Variants in ADAMTS2 observed in about 807,000 individuals in gnomAD.
ADAMTS2 encodes the protein ADAM metallopeptidase with thrombospondin type 1 motif 2, also known as A disintegrin and metalloproteinase with thrombospondin motifs 2.
Under a neutral mutation model 123.0 loss-of-function variants are expected in ADAMTS2, and 50 were observed. That is an observed-to-expected ratio of 0.41 (90% CI 0.32 to 0.51). ADAMTS2 has a LOEUF of 0.51. ADAMTS2 is among the 20% of genes least tolerant of loss of function. The probability of loss-of-function intolerance (pLI) is 0.35; values close to 1 mark genes in which losing one functional copy is unlikely to be tolerated. For synonymous variants in ADAMTS2, 678 were observed against 695.4 expected (o/e 0.98, Z 0.39); for missense variants, 1,494 against 1,705.2 (o/e 0.88, Z 2.18).
intron 4 of ADAMTS2, among the ~76,000 whole-genome samples, chr5:179,201,901 A>G (rs1764576283): frequency 6.6e-6 from 1 of 152,164 alleles, no homozygotes; most frequent in Non-Finnish European, 1.5e-5. Context: ...GAAGATAAGA[A>G]AACTGGACCC....
In ADAMTS2 at chr5:179,118,703, G is replaced by A. The variant is rs1762704641; in HGVS notation, c.3178+2958C>T. Among the ~76,000 whole-genome samples the A allele has an allele frequency of 6.6e-6, 1 of 152,150 alleles. No homozygotes were observed. The highest frequency in any genetic ancestry group is 2.1e-4 in the South Asian group (1 of 4,828). On this transcript the variant is annotated intron_variant, in intron 21 of 21. Transcript: ENST00000251582. This position sits in a 1 kb window ranked among gnomAD's most constrained non-coding sequence, Gnocchi z 4.5. ...AAAAAAAGTTTAAAGTCCTTTTAAAGTCAATTTCAAAGTCACACTTTAACT... is the reference window on the plus strand; with the variant it reads ...AAAAAAAGTTTAAAGTCCTTTTAAAATCAATTTCAAAGTCACACTTTAACT...
chr5:179,120,293 A>G (rs1762729031), intron 21 of ADAMTS2: 1 of 152,210 alleles, frequency 6.6e-6, no homozygotes, highest in Non-Finnish European at 1.5e-5. Flanking sequence ...ACGTCTCATA[A>G]AAAAAACCAG....
At chr5:179,176,598 G>T (rs1763934999) in intron 5 of ADAMTS2, among the ~76,000 whole-genome samples, 2 of 152,248 alleles carry the variant, frequency 1.3e-5, no homozygotes, top group South Asian at 4.1e-4. Context: ...CTGTATCCCT[G>T]GACCCAGGCC....
chr5:179,201,532 T>C (rs539248372), intron 4 of ADAMTS2, among the ~76,000 whole-genome samples: 7 of 149,402 alleles, frequency 4.7e-5, no homozygotes, highest in African/African-American at 1.7e-4. Context: ...ACGCCTGTAA[T>C]CCCAGCACTT....
rs567081877 is a variant in ADAMTS2 at position 179,303,034 on chromosome 5, G to A, written c.535-29970C>T. Among the ~76,000 whole-genome samples, 97 of 152,000 alleles carry A rather than the reference G, an allele frequency of 6.4e-4. 1 individual carries two copies. The highest frequency in any genetic ancestry group is 6.8e-3 in the Middle Eastern group (2 of 294). On this transcript the variant is annotated intron_variant, in intron 2 of 21. Transcript: ENST00000251582. The surrounding 1 kb of genome is among the most constrained non-coding windows in gnomAD (Gnocchi z 4.7). ...CAGGAGGTCAGAGTGGTGGGCGGGGGCAGACTGCACAGAGCTTCCTCTGCT... is the reference window on the plus strand; with the variant it reads ...CAGGAGGTCAGAGTGGTGGGCGGGGACAGACTGCACAGAGCTTCCTCTGCT...
chr5:179,208,152 C>CCG lies in ADAMTS2; in HGVS notation c.689-438_689-437insCG, dbSNP rs1380833533. The stretch of plus-strand genomic sequence containing the variant: ...TGGAGTGGGCAGAGCCACCCCTTGC[C>CCG]CACACTGCCCGATGCTGGAGTGGGT... On this transcript the variant is annotated intron_variant, in intron 3 of 21. Coordinates refer to ENST00000251582, the MANE Select transcript of ADAMTS2 (RefSeq NM_014244.5). Among the ~76,000 whole-genome samples the CCG allele has an allele frequency of 1.2e-4, 18 of 151,274 alleles. 1 individual carries two copies. Among genetic ancestry groups the CCG allele is most frequent in the Non-Finnish European group, 2.4e-4 (16 of 67,442 alleles).
At chr5:179,203,917 T>C (rs959576673) in intron 4 of ADAMTS2, among the ~76,000 whole-genome samples, 1 of 152,148 alleles carries the variant, frequency 6.6e-6, no homozygotes, top group East Asian at 1.9e-4. Context: ...GGCAGCACTA[T>C]TCACAGTAGC....
intron 2 of ADAMTS2, among the ~76,000 whole-genome samples, chr5:179,325,360 G>C (rs559609314): frequency 3.3e-5 from 5 of 152,330 alleles, no homozygotes; most frequent in Admixed American, 1.3e-4. Flanking sequence ...AGCTGGAAGG[G>C]AGTGGGAGAA....
At chr5:179,227,471 C>T (rs935530482) in intron 3 of ADAMTS2, among the ~76,000 whole-genome samples, 2 of 152,154 alleles carry the variant, frequency 1.3e-5, no homozygotes, top group African/African-American at 2.4e-5. Context: ...GGTCTGGCAC[C>T]GATCTGCTTG....
At position 179,308,080 on chromosome 5, in the gene ADAMTS2, G is replaced by A. The variant is rs1756727336; in HGVS notation, c.535-35016C>T. ...TTCCCCTACTTCAGGATGGTGTAAG[G>A]TTTCCTTGCCAAGGTCCCTGTGGTG... On this transcript the variant is annotated intron_variant, in intron 2 of 21. Transcript: ENST00000251582. The surrounding 1 kb of genome is among the most constrained non-coding windows in gnomAD (Gnocchi z 6.6). Among the ~76,000 whole-genome samples the A allele has an allele frequency of 1.3e-5, 2 of 152,150 alleles. No homozygotes were observed. Among genetic ancestry groups the A allele is most frequent in the African/African-American group, 2.4e-5 (1 of 41,420 alleles).
At position 179,114,209 on chromosome 5, in the gene ADAMTS2, G is replaced by T. The variant is rs1413279287; in HGVS notation, c.3294C>A (p.Asn1098Lys). ...LCCKSCNLYN[N>K]LTNVEGRIEP... ...CTATCCTGCCCTCCACGTTGGTGAG[G>T]TTGTTGTACAGGTTACAGGACTTGC... The change falls in exon 22 of 22, where the codon AAC becomes AAA. Residue 1098 changes from asparagine to lysine, a missense_variant. By Grantham distance (94) the Asn-to-Lys change is moderately conservative (BLOSUM62 0). Coordinates refer to ENST00000251582, the MANE Select transcript of ADAMTS2 (RefSeq NM_014244.5). 2 of 1,612,638 alleles carry T rather than the reference G, an allele frequency of 1.2e-6. No homozygotes were observed. Among genetic ancestry groups the T allele is most frequent in the African/African-American group, 1.3e-5 (1 of 75,012 alleles).
chr5:179,198,848 A>C (rs539392062), intron 4 of ADAMTS2, among the ~76,000 whole-genome samples: 114 of 151,896 alleles, frequency 7.5e-4, no homozygotes, highest in East Asian at 1.9e-3. Flanking sequence ...AAAAAAAAAA[A>C]AAAACAAAAC....
intron 5 of ADAMTS2, among the ~76,000 whole-genome samples, chr5:179,163,592 C>T (rs1317193382): frequency 6.6e-6 from 1 of 152,202 alleles, no homozygotes; most frequent in Non-Finnish European, 1.5e-5. Flanking sequence ...CTGCAGTGGG[C>T]AGCCCCTTCT....
intron 3 of ADAMTS2, among the ~76,000 whole-genome samples, chr5:179,216,732 G>C (rs933552367): frequency 6.6e-6 from 1 of 152,352 alleles, no homozygotes; most frequent in Admixed American, 6.5e-5. Context: ...GCGTGTGCCA[G>C]CTCTCCACTT....
rs138191985 is a variant in ADAMTS2 at position 179,336,212 on chromosome 5, G to A, written c.534+7555C>T. On this transcript the variant is annotated intron_variant, in intron 2 of 21. Transcript: ENST00000251582. ...CCTCCTGGGCCACGACACTTCCAAC[G>A]CAGTCCCTCACTGTCAACACCCTGG... 4.6e-3 allele frequency among the ~76,000 whole-genome samples: 694 copies of A among 152,302 alleles called. 13 individuals are homozygous for A. The highest frequency in any genetic ancestry group is 0.016 in the African/African-American group (661 of 41,560).
chr5:179,321,248 A>G (rs1276746737), intron 2 of ADAMTS2, among the ~76,000 whole-genome samples: 3 of 151,920 alleles, frequency 2.0e-5, no homozygotes, highest in Non-Finnish European at 4.4e-5. Context: ...GCAGGGCCAC[A>G]CACACATCTA....
At position 179,312,123 on chromosome 5, in the gene ADAMTS2, C is replaced by T. The variant is rs145616619; in HGVS notation, c.534+31644G>A. 4.0e-3 allele frequency among the ~76,000 whole-genome samples: 607 copies of T among 152,244 alleles called. 3 individuals carry two copies. Among genetic ancestry groups the T allele is most frequent in the African/African-American group, 0.014 (580 of 41,540 alleles). ...CAGTGGTCAGCTGAAAAATGGCCCC[C>T]GAAGACACGTCCGGGTCCCAATCCC... On this transcript the variant is annotated intron_variant, in intron 2 of 21. Coordinates refer to ENST00000251582, the MANE Select transcript of ADAMTS2 (RefSeq NM_014244.5). The surrounding 1 kb of genome is among the most constrained non-coding windows in gnomAD (Gnocchi z 4.2).
Position 179,126,111 on chromosome 5 carries a change from A to G in ADAMTS2, c.2637T>C (p.Tyr879=), listed in dbSNP as rs1762852594. ...TGTGGTCCAGCCTCCGGCGGCAGCC[A>G]TACTTGGTGAACTGGGACCCTGAAG... is the stretch of plus-strand genomic sequence containing the variant. ...PCGGGSQFTK[Y]GCRRRLDHKM... Residue 879 remains tyrosine, a synonymous_variant, in exon 18 of 22, where the codon TAT becomes TAC. Coordinates refer to ENST00000251582, the MANE Select transcript of ADAMTS2 (RefSeq NM_014244.5). The G allele has an allele frequency of 3.7e-6, 6 of 1,613,294 alleles. No individual in the cohort carries two copies. Among genetic ancestry groups the G allele is most frequent in the Non-Finnish European group, 5.1e-6 (6 of 1,180,008 alleles).
chr5:179,209,221 G>A (rs548593358), intron 3 of ADAMTS2, among the ~76,000 whole-genome samples: 86 of 152,354 alleles, frequency 5.6e-4, no homozygotes, highest in Non-Finnish European at 1.0e-3. Flanking sequence ...CCGTTTTACA[G>A]ATGGGGAGAC....
Sources: allele counts gnomAD v4.1 joint callset (sites outside exome capture counted in the v4.1 genomes callset), GRCh38; gene constraint gnomAD v4.1.1; non-coding constraint Gnocchi (gnomAD v3.1); transcripts MANE v1.5; gene names NCBI Gene and HGNC (gene_info 2026-07-23, HGNC 2026-07-21).